GRK5: variants seen among roughly 807,000 people sequenced by gnomAD.
GRK5 encodes G protein-coupled receptor kinase 5.
In GRK5, 40 loss-of-function variants were observed where a neutral mutation model predicts 78.4. That is an observed-to-expected ratio of 0.51 (90% confidence interval 0.40 to 0.66). The LOEUF is 0.66. Among genes scored for constraint, GRK5 ranks in the 30% least tolerant of loss-of-function variants. GRK5 has a pLI of 0.00. For synonymous variants in GRK5, 289 were observed against 296.8 expected (o/e 0.97, Z 0.27); for missense variants, 598 against 759.9 (o/e 0.79, Z 2.50).
At chr10:119,256,214 A>C (rs1262497359) in intron 1 of GRK5, among the ~76,000 whole-genome samples, 1 of 152,044 alleles carries the variant, frequency 6.6e-6, no homozygotes, top group Non-Finnish European at 1.5e-5. Context: ...GCTGCCCTTC[A>C]GTGGCCTCGA....
At chr10:119,396,271 G>A (rs955342503) in intron 3 of GRK5, among the ~76,000 whole-genome samples, 42 of 152,172 alleles carry the variant, frequency 2.8e-4, no homozygotes, top group Non-Finnish European at 3.4e-4. Flanking sequence ...GCAGCTTCTC[G>A]GCAGCCTTCC....
chr10:119,421,360 G>T (rs1408346242), intron 4 of GRK5, among the ~76,000 whole-genome samples: 1 of 152,222 alleles, frequency 6.6e-6, no homozygotes, highest in Non-Finnish European at 1.5e-5. Flanking sequence ...CAAGCCCCCA[G>T]TTGTCGACTC....
At chr10:119,345,292 G>A (rs1851072762) in intron 2 of GRK5, among the ~76,000 whole-genome samples, 1 of 152,156 alleles carries the variant, frequency 6.6e-6, no homozygotes, top group Non-Finnish European at 1.5e-5. Flanking sequence ...TTGGGGTTTG[G>A]CAGGTCAGCA....
At chr10:119,277,372 T>G (rs1849687452) in intron 1 of GRK5, among the ~76,000 whole-genome samples, 2 of 152,154 alleles carry the variant, frequency 1.3e-5, no homozygotes, top group African/African-American at 4.8e-5. Context: ...AAAATAACGA[T>G]GTCTGTAGTT....
At chr10:119,250,454 C>T (rs1023984942) in intron 1 of GRK5, among the ~76,000 whole-genome samples, 4 of 151,816 alleles carry the variant, frequency 2.6e-5, no homozygotes, top group East Asian at 1.9e-4. Flanking sequence ...AGTGCAGTGG[C>T]GTCATCACAA....
chr10:119,433,975 A>T (rs1374754393), intron 8 of GRK5, among the ~76,000 whole-genome samples: 4 of 152,222 alleles, frequency 2.6e-5, no homozygotes, highest in Non-Finnish European at 5.9e-5. Context: ...CCTCACAATC[A>T]TGGTGGAATG....
intron 1 of GRK5, among the ~76,000 whole-genome samples, chr10:119,211,087 A>G (rs55909434): frequency 0.04 from 6,048 of 152,330 alleles, 420 homozygotes; most frequent in African/African-American, 0.14. Context: ...TTATTTTAAA[A>G]TAAGAAAAGG....
At chr10:119,382,131 G>C (rs544282696) in intron 3 of GRK5, among the ~76,000 whole-genome samples, 6 of 152,086 alleles carry the variant, frequency 3.9e-5, no homozygotes, top group Non-Finnish European at 5.9e-5. Context: ...TCCCCAACCT[G>C]ATCAGGCTCA....
At chr10:119,295,590 GAT>G (rs531984447) in intron 1 of GRK5, among the ~76,000 whole-genome samples, 3 of 151,162 alleles carry the variant, frequency 2.0e-5, no homozygotes, top group Admixed American at 1.3e-4. Flanking sequence ...AAGAAACTGA[GAT>G]ATATATATAT....
intron 1 of GRK5, among the ~76,000 whole-genome samples, chr10:119,268,807 C>T (rs1849541581): frequency 6.6e-6 from 1 of 152,208 alleles, no homozygotes; most frequent in Non-Finnish European, 1.5e-5. Flanking sequence ...CTCTTTAGTG[C>T]CTAAGAAACG....
At chr10:119,254,019 G>A (rs1029989908) in intron 1 of GRK5, among the ~76,000 whole-genome samples, 1 of 152,234 alleles carries the variant, frequency 6.6e-6, no homozygotes. Context: ...TTAGTCAACA[G>A]GGCTGATGTG....
At chr10:119,291,654 TTCCTCCTCATCC>T (rs1286524997) in intron 1 of GRK5, among the ~76,000 whole-genome samples, 3 of 129,552 alleles carry the variant, frequency 2.3e-5, no homozygotes, top group Admixed American at 7.7e-5. Context: ...CCTCCTCCTC[TTCCTCCTCATCC>T]TCCTCCTTCT....
At position 119,239,079 on chromosome 10, in the gene GRK5, T is replaced by C. The variant is rs1848978118; in HGVS notation, c.52+31110T>C. Among the ~76,000 whole-genome samples, 5 of 152,248 alleles carry C rather than the reference T, an allele frequency of 3.3e-5. No homozygotes were observed. In the South Asian group the frequency reaches 1.0e-3, roughly 32 times the overall value. On this transcript the variant is annotated intron_variant, in intron 1 of 15. Coordinates refer to ENST00000392870, the MANE Select transcript of GRK5 (RefSeq NM_005308.3). ...AAAGAGAGAAAGGAGGTTTTGTTAC[T>C]GAGAAGCTTATTTTAAAAGTCAAGT...
intron 1 of GRK5, among the ~76,000 whole-genome samples, chr10:119,236,008 C>T (rs1185268008): frequency 6.6e-6 from 1 of 152,158 alleles, no homozygotes; most frequent in Admixed American, 6.5e-5. Context: ...CCTGGCTGTC[C>T]CCCATCCCTT....
chr10:119,396,241 C>T (rs1456732400), intron 3 of GRK5, among the ~76,000 whole-genome samples: 1 of 152,264 alleles, frequency 6.6e-6, no homozygotes, highest in Non-Finnish European at 1.5e-5. Context: ...ACACAGCTTA[C>T]AAGGTCTGAG....
chr10:119,330,009 C>A (rs934361482), intron 2 of GRK5, among the ~76,000 whole-genome samples: 1 of 151,656 alleles, frequency 6.6e-6, no homozygotes, highest in African/African-American at 2.4e-5. Context: ...ATTACAGGTA[C>A]CTGCCATCAC....
chr10:119,283,447 GA>G (rs1849795284), intron 1 of GRK5, among the ~76,000 whole-genome samples: 2 of 152,228 alleles, frequency 1.3e-5, no homozygotes, highest in South Asian at 2.1e-4. Context: ...TCTAGGCTGG[GA>G]AATGAGGACA....
chr10:119,288,967 G>A (rs1049256769), intron 1 of GRK5, among the ~76,000 whole-genome samples: 10 of 152,212 alleles, frequency 6.6e-5, no homozygotes, highest in Non-Finnish European at 1.0e-4. Context: ...GCCTGCACAA[G>A]AGGGCTGAGT....
chr10:119,345,022 G>C (rs929216801), intron 2 of GRK5, among the ~76,000 whole-genome samples: 1 of 148,764 alleles, frequency 6.7e-6, no homozygotes, highest in Non-Finnish European at 1.5e-5. Flanking sequence ...AGGCTGGAGT[G>C]CAGTGGCGCC....
Sources: gnomAD v4.1 joint callset for allele counts (sites outside exome capture counted in the v4.1 genomes callset) on GRCh38, gnomAD v4.1.1 for gene constraint, MANE v1.5 for transcripts, NCBI Gene and HGNC (gene_info 2026-07-23, HGNC 2026-07-21) for gene names.